The following ZC3H18 variants were observed in gnomAD, a reference collection of about 807,000 sequenced individuals.
ZC3H18 encodes zinc finger CCCH domain-containing protein 18.
A neutral mutation model predicts 106.1 loss-of-function variants in ZC3H18; 8 were observed. That is an observed-to-expected ratio of 0.08 (90% CI 0.04 to 0.14). The LOEUF is 0.14. ZC3H18 is among the 10% of genes least tolerant of loss of function. The pLI is 1.00. For missense variants in ZC3H18, 1,318 were observed against 1,278.4 expected (o/e 1.03, Z -0.47); for synonymous variants, 635 against 522.1 (o/e 1.22, Z -2.95).
chr16:88,603,575 G>C (rs1243744222), intron 6 of ZC3H18, among the ~76,000 whole-genome samples: 1 of 150,002 alleles, frequency 6.7e-6, no homozygotes, highest in Admixed American at 6.6e-5. Context: ...AGTGAGCCAA[G>C]ATCATGCCCC....
Position 88,608,960 on chromosome 16 carries a change from A to G in ZC3H18, c.1115A>G (p.Tyr372Cys). Reference protein sequence around the residue: ...TVLEPYADPYYDYEIERFWRG... With the variant: ...TVLEPYADPYCDYEIERFWRG... ...CTCGAGCCTTACGCAGACCCTTATTATGACTATGAAATTGAGCGGTTTTGG... is the reference window on the plus strand; with the variant it reads ...CTCGAGCCTTACGCAGACCCTTATTGTGACTATGAAATTGAGCGGTTTTGG... The change falls in exon 7 of 18, where the codon TAT (tyrosine) becomes TGT (cysteine). Residue 372 changes from tyrosine (Y) to cysteine (C), a missense_variant. By Grantham distance (194) the Tyr-to-Cys change is radical (BLOSUM62 -2). Transcript: ENST00000301011. 3 of 1,613,726 alleles carry G rather than the reference A, an allele frequency of 1.9e-6. No homozygotes were observed. The highest frequency in any genetic ancestry group is 2.5e-6 in the Non-Finnish European group (3 of 1,179,786).
rs567883200 is a variant in ZC3H18, at chr16:88,625,214, C to G, written c.2055C>G (p.Ser685Arg). 6.3e-7 allele frequency: 1 copy of G among 1,590,228 alleles called. No individual in the cohort carries two copies. Among genetic ancestry groups the G allele is most frequent in the Admixed American group, 1.8e-5 (1 of 56,982 alleles). The change falls in exon 13 of 18, where the codon AGC (serine) becomes AGG (arginine). Residue 685 changes from serine (S) to arginine (R), a missense_variant. Physicochemically the swap from Ser to Arg is moderately radical, Grantham distance 110. Coordinates refer to ENST00000301011, the MANE Select transcript of ZC3H18 (RefSeq NM_144604.4). ...GCTTGTATTACAGGCGGACGCTAAG[C>G]GGCAGCGGCAGTGGCAGTGGTAGCA... ...ARTPPRRRTL[S>R]GSGSGSGSSY...
At chr16:88,601,932 G>T (rs141181224) in intron 6 of ZC3H18, among the ~76,000 whole-genome samples, 1 of 152,264 alleles carries the variant, frequency 6.6e-6, no homozygotes, top group African/African-American at 2.4e-5. Flanking sequence ...CCAGGAGGGT[G>T]GAGACCCCCC....
intron 8 of ZC3H18, among the ~76,000 whole-genome samples, chr16:88,617,979 A>G (rs957964622): frequency 6.6e-6 from 1 of 152,228 alleles, no homozygotes; most frequent in Non-Finnish European, 1.5e-5. Flanking sequence ...AAAGGTTAAG[A>G]AACCCTATTT....
At chr16:88,628,516 G>C in intron 15 of ZC3H18, 1 of 559,960 alleles carries the variant, frequency 1.8e-6, no homozygotes, top group Non-Finnish European at 3.2e-6. Flanking sequence ...AGTGGCCCCC[G>C]TGGGGAGCAG....
Position 88,577,145 on chromosome 16 carries a change from G to A in ZC3H18, c.22G>A (p.Glu8Lys). The A allele has an allele frequency of 6.4e-7, 1 of 1,572,624 alleles. No individual in the cohort carries two copies. Among genetic ancestry groups the A allele is most frequent in the South Asian group, 1.2e-5 (1 of 85,722 alleles). The change falls in exon 2 of 18, where the codon GAA becomes AAA. Residue 8 changes from glutamate (E) to lysine (K), a missense_variant. This residue lies in a region of ZC3H18 where 346 missense variants were observed against 269.0 expected (regional missense o/e 1.29). Transcript: ENST00000301011. ...ACCGATGGATGTGGCCGAGAGCCCT[G>A]AACGGGATCCTCACTCTCCAGAGGA... MDVAESP[E>K]RDPHSPEDEE... is the part of the protein sequence containing the mutation.
intron 2 of ZC3H18, among the ~76,000 whole-genome samples, chr16:88,583,844 C>T (rs898800341): frequency 1.3e-5 from 2 of 152,150 alleles, no homozygotes; most frequent in Admixed American, 1.3e-4. Flanking sequence ...AGCTGGTCCA[C>T]TCAGGCCCCT....
At chr16:88,587,437 T>G in intron 3 of ZC3H18, 1 of 956,804 alleles carries the variant, frequency 1.0e-6, no homozygotes, top group Non-Finnish European at 1.6e-6. Context: ...AGGAAGGTGT[T>G]TTTCTCTTTT....
At chr16:88,573,857 A>G (rs1010029793) in intron 1 of ZC3H18, among the ~76,000 whole-genome samples, 3 of 151,710 alleles carry the variant, frequency 2.0e-5, no homozygotes, top group East Asian at 1.9e-4. Context: ...TTGTAAATCT[A>G]TGTTATTGCT....
In ZC3H18 at chr16:88,598,224, G is replaced by T. The variant is rs774971897; in HGVS notation, c.735G>T (p.Val245=). 1.2e-6 allele frequency: 2 copies of T among 1,613,760 alleles called. No individual in the cohort carries two copies. The highest frequency in any genetic ancestry group is 2.2e-5 in the South Asian group (2 of 91,038). Residue 245 remains valine (V), a synonymous_variant, in exon 4 of 18, where the codon GTG becomes GTT. Coordinates refer to ENST00000301011, the MANE Select transcript of ZC3H18 (RefSeq NM_144604.4). ...GMNCRFIHPG[V]NDKGNYSLIT... is the part of the protein sequence containing the mutation. Reference sequence around the variant, plus strand: ...ATTGTAGGTTTATACACCCTGGAGTGAACGACAAGGGGAACTACTCCCTAA... The same window carrying T: ...ATTGTAGGTTTATACACCCTGGAGTTAACGACAAGGGGAACTACTCCCTAA...
Position 88,631,320 on chromosome 16 carries a change from G to A in ZC3H18, c.*21G>A. Reference sequence around the variant, plus strand: ...CATAGGCCGTGCCCCGACCGGACTGGACGCATTTTTATACATAGGGTAAGC... The same window carrying A: ...CATAGGCCGTGCCCCGACCGGACTGAACGCATTTTTATACATAGGGTAAGC... On this transcript the variant is annotated 3_prime_UTR_variant, in exon 18 of 18. Coordinates refer to ENST00000301011, the MANE Select transcript of ZC3H18 (RefSeq NM_144604.4). 6.4e-7 allele frequency: 1 copy of A among 1,557,084 alleles called. No homozygotes were observed. Among genetic ancestry groups the A allele is most frequent in the African/African-American group, 1.4e-5 (1 of 73,292 alleles).
chr16:88,622,072 T>C (rs1327955654), intron 8 of ZC3H18, 125 bp from the exon 9 acceptor site: 2 of 1,192,432 alleles, frequency 1.7e-6, no homozygotes, highest in Non-Finnish European at 1.2e-6. Context: ...TAGGACCCTT[T>C]GTTTCTCAGG....
intron 3 of ZC3H18, among the ~76,000 whole-genome samples, chr16:88,593,629 C>T (rs942382402): frequency 6.6e-6 from 1 of 152,198 alleles, no homozygotes; most frequent in African/African-American, 2.4e-5. Flanking sequence ...CCTCAAGGGG[C>T]AGCACGTGCA....
intron 1 of ZC3H18, among the ~76,000 whole-genome samples, chr16:88,571,971 C>G (rs1914435102): frequency 6.6e-6 from 1 of 152,178 alleles, no homozygotes; most frequent in Admixed American, 6.5e-5. Context: ...TTGCCAGAAT[C>G]TCTTTAGAAC....
chr16:88,619,403 T>C (rs975832272), intron 8 of ZC3H18, among the ~76,000 whole-genome samples: 42 of 152,322 alleles, frequency 2.8e-4, no homozygotes, highest in African/African-American at 7.9e-4. Flanking sequence ...AAGCAGCTGC[T>C]TCAGAAGGAA....
In ZC3H18 at chr16:88,628,774, G is replaced by C; in HGVS notation, c.2486G>C (p.Ser829Thr). 1 of 1,614,074 alleles carries C rather than the reference G, an allele frequency of 6.2e-7. No individual in the cohort carries two copies. The highest frequency in any genetic ancestry group is 8.5e-7 in the Non-Finnish European group (1 of 1,179,974). ...TTGTCCCAGGCGGCTGATAAAGGAAGCAGGAAGCGCTATGAACCATCAGAC... is the reference window on the plus strand; with the variant it reads ...TTGTCCCAGGCGGCTGATAAAGGAACCAGGAAGCGCTATGAACCATCAGAC... ...TLLNKAADKG[S>T]RKRYEPSDKD... The change falls in exon 16 of 18, where the codon AGC becomes ACC. Residue 829 changes from serine (S) to threonine (T), a missense_variant. Coordinates refer to ENST00000301011, the MANE Select transcript of ZC3H18 (RefSeq NM_144604.4).
chr16:88,613,783 C>A (rs13330572), intron 8 of ZC3H18, among the ~76,000 whole-genome samples: 82,750 of 151,934 alleles, frequency 0.54, 23,020 homozygotes, highest in African/African-American at 0.62. Context: ...TATTTTGTTG[C>A]TTATGGTTTT....
intron 13 of ZC3H18, 119 bp downstream of exon 13, chr16:88,625,386 G>T: frequency 4.7e-6 from 6 of 1,281,554 alleles, no homozygotes; most frequent in Non-Finnish European, 6.6e-6. Flanking sequence ...TTCTGGATCT[G>T]AGTCACCCTG....
At chr16:88,590,838 G>A (rs1358296271) in intron 3 of ZC3H18, among the ~76,000 whole-genome samples, 1 of 151,984 alleles carries the variant, frequency 6.6e-6, no homozygotes, top group Non-Finnish European at 1.5e-5. Context: ...GGGATTACAG[G>A]TGTGAGCCAC....
Sources: allele counts gnomAD v4.1 joint callset (sites outside exome capture counted in the v4.1 genomes callset), GRCh38; gene constraint gnomAD v4.1.1; regional missense constraint gnomAD v4.1.1; transcripts MANE v1.5; gene names NCBI Gene and HGNC (gene_info 2026-07-23, HGNC 2026-07-21).